Variants in LAMB3 observed in about 807,000 individuals in gnomAD.
The protein encoded by LAMB3 is laminin subunit beta-3.
In LAMB3, 104 loss-of-function variants were observed where a neutral mutation model predicts 140.3. The ratio of observed to expected loss-of-function variants is 0.74; its 90% CI spans 0.63 to 0.87. LAMB3 has a LOEUF of 0.87. Among genes scored for constraint, LAMB3 ranks in the 40% least tolerant of loss-of-function variants. The pLI is 0.00. For missense variants in LAMB3, 1,531 were observed against 1,575.2 expected, an observed-to-expected ratio of 0.97 and a Z score of 0.47; for synonymous variants, 592 against 602.9, an observed-to-expected ratio of 0.98 and a Z score of 0.26.
intron 14 of LAMB3, among the ~76,000 whole-genome samples, chr1:209,624,340 A>G (rs1007640521): frequency 6.6e-6 from 1 of 152,172 alleles, no homozygotes; most frequent in Non-Finnish European, 1.5e-5. Flanking sequence ...GGCTGGCTTC[A>G]GCTACCATCT....
intron 10 of LAMB3, among the ~76,000 whole-genome samples, chr1:209,628,916 C>T (rs1014619700): frequency 2.6e-5 from 4 of 152,022 alleles, no homozygotes; most frequent in Admixed American, 2.0e-4. Flanking sequence ...AGGAGGAAAC[C>T]GAGGCTCAGA....
At chr1:209,627,972 C>A in intron 11 of LAMB3, 63 bp downstream of exon 11, 1 of 1,534,300 alleles carries the variant, frequency 6.5e-7, no homozygotes, top group Admixed American at 1.9e-5. Flanking sequence ...GCAGGGCAAG[C>A]CGTGGGTCTG....
intron 9 of LAMB3, among the ~76,000 whole-genome samples, chr1:209,630,163 G>C (rs764702951): frequency 2.0e-5 from 3 of 152,132 alleles, no homozygotes; most frequent in Non-Finnish European, 4.4e-5. Flanking sequence ...ATAAACCCAA[G>C]AACAGTGGCC....
intron 4 of LAMB3, 80 bp from the exon 5 acceptor site, chr1:209,638,061 G>T: frequency 2.6e-6 from 3 of 1,172,548 alleles, no homozygotes; most frequent in Non-Finnish European, 3.7e-6. Flanking sequence ...GATTAGACTA[G>T]CTCTAGGAAC....
chr1:209,619,256 A>T (rs980906041), intron 18 of LAMB3, among the ~76,000 whole-genome samples: 1 of 152,134 alleles, frequency 6.6e-6, no homozygotes, highest in Non-Finnish European at 1.5e-5. Context: ...TCTGTCTAGC[A>T]CTTGCACCAC....
rs60927005 is a variant in LAMB3 at position 209,623,317 on chromosome 1, T to C, written c.2359-138A>G. On this transcript the variant is annotated intron_variant, in intron 16 of 22. Coordinates refer to ENST00000356082, the MANE Select transcript of LAMB3 (RefSeq NM_000228.3). This position sits in a 1 kb window ranked among gnomAD's most constrained non-coding sequence, Gnocchi z 4.2. ...AACAGCCAGACATCTCCATGAGAGC[T>C]AAGGACCAGAAACTGGTTTCCTTGG... 0.04 allele frequency: 41,623 copies of C among 1,043,612 alleles called. 2,389 individuals are homozygous for C. Among genetic ancestry groups the C allele is most frequent in the East Asian group, 0.26 (10,224 of 38,690 alleles). 64.6% of individuals were successfully genotyped at this position (1,043,612 alleles called of 1,614,324 possible). A position where few individuals can be genotyped will look rare whatever the true frequency, so the allele number is the denominator to read the frequency against.
chr1:209,634,917 T>TTC (rs59855467), intron 5 of LAMB3, among the ~76,000 whole-genome samples: 1,833 of 136,198 alleles, frequency 0.013, 19 homozygotes, highest in African/African-American at 0.023. Flanking sequence ...CCATTTTTTA[T>TTC]TCTCTCTCTC....
At chr1:209,622,895 G>A (rs1055443851) in intron 17 of LAMB3, 87 bp downstream of exon 17, 11 of 1,495,280 alleles carry the variant, frequency 7.4e-6, no homozygotes, top group Non-Finnish European at 1.0e-5. Flanking sequence ...CTGGACTTTA[G>A]TGTAAAATGG....
chr1:209,631,556 G>T (rs898130317), intron 8 of LAMB3, among the ~76,000 whole-genome samples: 1 of 152,170 alleles, frequency 6.6e-6, no homozygotes, highest in East Asian at 1.9e-4. Flanking sequence ...AAAATGCCAA[G>T]GTCCAGACCC....
At chr1:209,624,754 T>A (rs991186789) in intron 14 of LAMB3, among the ~76,000 whole-genome samples, 1 of 152,146 alleles carries the variant, frequency 6.6e-6, no homozygotes, top group African/African-American at 2.4e-5. Flanking sequence ...TTACACATCA[T>A]TCTCCCCAGT....
rs202063530 is a variant in LAMB3, at chr1:209,625,897, G to C, written c.1727C>G (p.Pro576Arg). 1.4e-5 allele frequency: 23 copies of C among 1,613,724 alleles called. No homozygotes were observed. Among genetic ancestry groups the C allele is most frequent in the Non-Finnish European group, 1.8e-5 (21 of 1,179,912 alleles). The change falls in exon 14 of 23, where the codon CCG (proline) becomes CGG (arginine). Residue 576 changes from proline to arginine, a missense_variant. Pro to Arg is a moderately radical substitution (Grantham distance 103, BLOSUM62 -2). Coordinates refer to ENST00000356082, the MANE Select transcript of LAMB3 (RefSeq NM_000228.3). ...GCAAGGGTGGCAGGCCACGCACACC[G>C]GGTAGCGATTACAGTAGCCTCGCTG... ...QCQRGYCNRY[P>R]VCVACHPCFQ...
intron 10 of LAMB3, 49 bp downstream of exon 10, chr1:209,629,688 G>T (rs755456958): frequency 6.5e-7 from 1 of 1,545,666 alleles, no homozygotes; most frequent in Non-Finnish European, 8.9e-7. Context: ...CAGAGGAGAT[G>T]GGGAGTAACA....
At chr1:209,622,857 G>C in intron 17 of LAMB3, 125 bp downstream of exon 17, 7 of 1,346,630 alleles carry the variant, frequency 5.2e-6, no homozygotes, top group Non-Finnish European at 7.4e-6. Context: ...CACTTGCTGT[G>C]GCACCTTAAG....
In LAMB3 at chr1:209,623,142, A is replaced by G. The variant is rs1035032806; in HGVS notation, c.2396T>C (p.Ile799Thr). The change falls in exon 17 of 23, where the codon ATA becomes ACA. Residue 799 changes from isoleucine to threonine, a missense_variant. Physicochemically the swap from Ile to Thr is moderately conservative, Grantham distance 89. Coordinates refer to ENST00000356082, the MANE Select transcript of LAMB3 (RefSeq NM_000228.3). This position sits in a 1 kb window ranked among gnomAD's most constrained non-coding sequence, Gnocchi z 4.2. The stretch of plus-strand genomic sequence containing the variant: ...GGGACATAGCTCACCAGGGCATGAT[A>G]TTGGGGTGCAAGCCATCTGCCTGGA... ...GNSRQMACTP[I>T]SCPGELCPQD... 24 of 1,614,086 alleles carry G rather than the reference A, an allele frequency of 1.5e-5. No individual in the cohort carries two copies. Among genetic ancestry groups the G allele is most frequent in the Non-Finnish European group, 1.9e-5 (23 of 1,180,050 alleles).
At chr1:209,638,674 C>G (rs747636272) in intron 3 of LAMB3, 26 bp from the exon 4 acceptor site, 59 of 1,488,448 alleles carry the variant, frequency 4.0e-5, no homozygotes, top group Non-Finnish European at 5.4e-5. Context: ...ATAGCAGACA[C>G]TCAGAGGTGG....
Position 209,623,728 on chromosome 1 carries a change from G to A in LAMB3, c.2138-3C>T. On this transcript the variant is annotated splice_region_variant and splice_polypyrimidine_tract_variant and intron_variant, in intron 15 of 22. Transcript: ENST00000356082. The surrounding 1 kb of genome is among the most constrained non-coding windows in gnomAD (Gnocchi z 4.2). Reference sequence around the variant, plus strand: ...TGTGCTCAGCATCCGGAAGGCTCCTGTGGCGAGAAGCATGAGGAATGGAGA... The same window carrying A: ...TGTGCTCAGCATCCGGAAGGCTCCTATGGCGAGAAGCATGAGGAATGGAGA... 3 of 1,613,958 alleles carry A rather than the reference G, an allele frequency of 1.9e-6. No homozygotes were observed. The highest frequency in any genetic ancestry group is 2.5e-6 in the Non-Finnish European group (3 of 1,180,012).
chr1:209,627,668 G>A (rs1377060929), intron 11 of LAMB3, 89 bp from the exon 12 acceptor site: 12 of 1,240,344 alleles, frequency 9.7e-6, no homozygotes, highest in Non-Finnish European at 1.4e-5. Context: ...GCGCTGCCTG[G>A]GAAAAGAACT....
chr1:209,618,711 T>C (rs1666083265), intron 18 of LAMB3, 52 bp from the exon 19 acceptor site: 2 of 1,555,782 alleles, frequency 1.3e-6, no homozygotes, highest in Non-Finnish European at 1.8e-6. Context: ...TCCCCAGAGA[T>C]ACGAGGCCTC....
At chr1:209,638,763 A>G in intron 3 of LAMB3, 115 bp from the exon 4 acceptor site, 1 of 712,002 alleles carries the variant, frequency 1.4e-6, no homozygotes, top group Non-Finnish European at 2.6e-6. Context: ...AGGAATCACT[A>G]ATTTTATTAA....
Sources: allele counts gnomAD v4.1 joint callset (sites outside exome capture counted in the v4.1 genomes callset), GRCh38; gene constraint gnomAD v4.1.1; non-coding constraint Gnocchi (gnomAD v3.1); transcripts MANE v1.5; gene names NCBI Gene and HGNC (gene_info 2026-07-23, HGNC 2026-07-21).